The following ROR1 variants were observed in gnomAD, a reference collection of about 807,000 sequenced individuals.
ROR1 encodes the protein ROR family WNT receptor 1, also known as inactive tyrosine-protein kinase transmembrane receptor ROR1.
ROR1 carries 19 observed loss-of-function variants against 78.8 expected under a neutral mutation model. The ratio of observed to expected loss-of-function variants is 0.24; its 90% CI spans 0.17 to 0.35. The LOEUF (loss-of-function observed/expected upper bound fraction) is 0.35. Ranked by LOEUF, ROR1 falls within the 10% of genes least tolerant of loss-of-function variation. The pLI, the probability that ROR1 is intolerant of heterozygous loss-of-function variation, is 1.00. For synonymous variants in ROR1, 386 were observed against 433.6 expected, an observed-to-expected ratio of 0.89 and a Z score of 1.36; for missense variants, 917 against 1,177.8, an observed-to-expected ratio of 0.78 and a Z score of 3.24.
chr1:63,807,835 T>C (rs571853683), intron 1 of ROR1, among the ~76,000 whole-genome samples: 1 of 152,278 alleles, frequency 6.6e-6, no homozygotes, highest in Admixed American at 6.5e-5. Context: ...TCTCTGGAGA[T>C]ACAAAGATGC....
chr1:64,057,832 A>G (rs1367408434), intron 4 of ROR1, among the ~76,000 whole-genome samples: 1 of 152,142 alleles, frequency 6.6e-6, no homozygotes, highest in Non-Finnish European at 1.5e-5. Context: ...AGTGCTTTGC[A>G]TTTCCATATG....
intron 1 of ROR1, among the ~76,000 whole-genome samples, chr1:63,865,953 A>G (rs1645213065): frequency 6.6e-6 from 1 of 152,156 alleles, no homozygotes; most frequent in Non-Finnish European, 1.5e-5. Context: ...TCTGGTGGAG[A>G]AAAAAACCCA....
chr1:63,970,474 G>A (rs967305057), intron 1 of ROR1, among the ~76,000 whole-genome samples: 12 of 152,118 alleles, frequency 7.9e-5, no homozygotes, highest in African/African-American at 2.9e-4. Flanking sequence ...TGTTCTCTTG[G>A]TCCTTCCTTG....
intron 1 of ROR1, among the ~76,000 whole-genome samples, chr1:63,988,412 T>C (rs1646268417): frequency 6.6e-6 from 1 of 152,242 alleles, no homozygotes; most frequent in Non-Finnish European, 1.5e-5. Context: ...TATGGACATC[T>C]AGTCTCTTCT....
chr1:64,170,797 C>T (rs551087179), intron 8 of ROR1, among the ~76,000 whole-genome samples: 37 of 152,170 alleles, frequency 2.4e-4, no homozygotes, highest in Admixed American at 1.4e-3. Context: ...TCATCTCTCT[C>T]AAGTTCAAAG....
intron 7 of ROR1, among the ~76,000 whole-genome samples, chr1:64,143,799 G>A (rs1649402678): frequency 6.6e-6 from 1 of 152,180 alleles, no homozygotes; most frequent in Non-Finnish European, 1.5e-5. Context: ...GAAAGTAACA[G>A]GACCCAATCA....
chr1:64,016,418 A>G (rs1646521107), intron 2 of ROR1, among the ~76,000 whole-genome samples: 1 of 152,194 alleles, frequency 6.6e-6, no homozygotes. Flanking sequence ...TTGAATTAGT[A>G]AAATACATTA....
intron 1 of ROR1, among the ~76,000 whole-genome samples, chr1:63,862,150 T>C (rs927853304): frequency 3.9e-5 from 6 of 152,108 alleles, no homozygotes; most frequent in African/African-American, 1.4e-4. Context: ...CCCAGCACTT[T>C]GGGAGACCGA....
chr1:63,987,171 G>A (rs938593646), intron 1 of ROR1, among the ~76,000 whole-genome samples: 2 of 152,168 alleles, frequency 1.3e-5, no homozygotes, highest in African/African-American at 4.8e-5. Flanking sequence ...GAGGCTGCCT[G>A]ACCCCAGGAA....
At chr1:63,786,132 A>G (rs1644683701) in intron 1 of ROR1, among the ~76,000 whole-genome samples, 1 of 152,080 alleles carries the variant, frequency 6.6e-6, no homozygotes, top group Non-Finnish European at 1.5e-5. Flanking sequence ...GGGCCTCTGC[A>G]AGGAGGAGTT....
chr1:64,114,127 C>T (rs969191063), intron 4 of ROR1, among the ~76,000 whole-genome samples: 1 of 152,048 alleles, frequency 6.6e-6, no homozygotes, highest in African/African-American at 2.4e-5. Context: ...TGAGCCTCAC[C>T]TACCAGGGGT....
chr1:64,115,934 G>A (rs1393717457), intron 4 of ROR1, among the ~76,000 whole-genome samples: 1 of 152,110 alleles, frequency 6.6e-6, no homozygotes, highest in African/African-American at 2.4e-5. Flanking sequence ...CCAATAAATG[G>A]TCAACATGAT....
intron 2 of ROR1, among the ~76,000 whole-genome samples, chr1:64,012,923 A>G (rs1357658884): frequency 6.6e-6 from 1 of 152,218 alleles, no homozygotes; most frequent in Non-Finnish European, 1.5e-5. Flanking sequence ...AATAGTAGTG[A>G]TCTGGGAGAC....
At chr1:64,148,176 C>G (rs577592694) in intron 7 of ROR1, among the ~76,000 whole-genome samples, 10 of 152,228 alleles carry the variant, frequency 6.6e-5, no homozygotes, top group Middle Eastern at 6.8e-3. Context: ...GTTCTATCCC[C>G]CTAGGAGTAG....
At chr1:63,922,506 C>G (rs855810) in intron 1 of ROR1, among the ~76,000 whole-genome samples, 133 of 151,994 alleles carry the variant, frequency 8.8e-4, no homozygotes, top group African/African-American at 3.1e-3. Context: ...TGTCGAAGCC[C>G]AGGATTTTGT....
rs369649007 is a variant in ROR1 at position 64,015,463 on chromosome 1, C to T, written c.163+6087C>T. ...CACCATCAAGGCCTATGACCAGGTT[C>T]TCTAGCTCAGGAGTGGTTTGCTCCC... is the stretch of plus-strand genomic sequence containing the variant. On this transcript the variant is annotated intron_variant, in intron 2 of 8. Transcript: ENST00000371079. Among the ~76,000 whole-genome samples, 31 of 152,260 alleles carry T rather than the reference C, an allele frequency of 2.0e-4. 2 individuals carry two copies. The highest frequency in any genetic ancestry group is 1.1e-3 in the Admixed American group (17 of 15,290).
intron 1 of ROR1, among the ~76,000 whole-genome samples, chr1:63,877,532 G>A (rs1444658441): frequency 2.0e-5 from 3 of 152,078 alleles, no homozygotes; most frequent in Non-Finnish European, 2.9e-5. Context: ...TGTGGTAAAG[G>A]GATTGGCCCT....
intron 2 of ROR1, among the ~76,000 whole-genome samples, chr1:64,031,895 T>A (rs998115264): frequency 2.0e-5 from 3 of 152,170 alleles, no homozygotes; most frequent in Admixed American, 2.0e-4. Context: ...ACATTTTGGC[T>A]TGTGCTATGA....
At chr1:64,112,801 G>T (rs2147323) in intron 4 of ROR1, among the ~76,000 whole-genome samples, 61,868 of 151,780 alleles carry the variant, frequency 0.41, 12,776 homozygotes, top group South Asian at 0.48. Flanking sequence ...GGTTCAACTG[G>T]CAGTTCTATA....
Sources: gnomAD v4.1 joint callset for allele counts (sites outside exome capture counted in the v4.1 genomes callset) on GRCh38, gnomAD v4.1.1 for gene constraint, MANE v1.5 for transcripts, NCBI Gene and HGNC (gene_info 2026-07-23, HGNC 2026-07-21) for gene names.